ABCC1: variants seen among roughly 807,000 people sequenced by gnomAD.
ABCC1 encodes ATP binding cassette subfamily C member 1 (ABCC1 blood group), also known as multidrug resistance-associated protein 1.
ABCC1 carries 83 observed loss-of-function variants against 172.9 expected under a neutral mutation model. The observed-to-expected ratio is 0.48, with a 90% CI of 0.40 to 0.58. The LOEUF (loss-of-function observed/expected upper bound fraction) is 0.58, where lower values mean the gene tolerates loss of function less well. ABCC1 is among the 20% of genes least tolerant of loss of function. ABCC1 has a pLI of 0.00. For missense variants in ABCC1, 1,817 were observed against 2,002.7 expected, an observed-to-expected ratio of 0.91 and a Z score of 1.77; for synonymous variants, 937 against 825.2, an observed-to-expected ratio of 1.14 and a Z score of -2.32.
At position 16,131,837 on chromosome 16, in the gene ABCC1, G is replaced by A. The variant is rs2045686639; in HGVS notation, c.3868G>A (p.Val1290Met). Reference protein sequence around the residue: ...ETAPPSSWPQVGRVEFRNYCL... With the variant: ...ETAPPSSWPQMGRVEFRNYCL... The stretch of plus-strand genomic sequence containing the variant: ...AGCTCCGCCCAGCAGCTGGCCCCAG[G>A]TGGGCCGAGTGGAATTCCGGAACTA... The change falls in exon 27 of 31, where the codon GTG becomes ATG. Residue 1290 changes from valine to methionine, a missense_variant. Val to Met is a conservative substitution (Grantham distance 21). Transcript: ENST00000399410. 1.9e-6 allele frequency: 3 copies of A among 1,614,058 alleles called. No homozygotes were observed. Among genetic ancestry groups the A allele is most frequent in the Admixed American group, 3.3e-5 (2 of 59,996 alleles).
chr16:15,976,136 A>T (rs564454330), intron 1 of ABCC1, among the ~76,000 whole-genome samples: 1 of 152,136 alleles, frequency 6.6e-6, no homozygotes, highest in East Asian at 2.0e-4. Context: ...TGGTGATGGC[A>T]CATGCCTGTG....
chr16:16,047,970 G>A (rs1039693367), intron 9 of ABCC1, among the ~76,000 whole-genome samples, 172 bp from the exon 10 acceptor site: 2 of 152,208 alleles, frequency 1.3e-5, no homozygotes, highest in Admixed American at 6.5e-5. Context: ...TAAGAATGTG[G>A]GCTTTGAGAT....
intron 28 of ABCC1, 29 bp from the exon 29 acceptor site, chr16:16,136,449 A>G (rs1215826103): frequency 1.2e-6 from 2 of 1,610,776 alleles, no homozygotes; most frequent in African/African-American, 1.3e-5. Context: ...CAGGTGTCAC[A>G]TGCCGTCCAC....
intron 3 of ABCC1, among the ~76,000 whole-genome samples, chr16:16,012,392 A>G (rs1339059796): frequency 2.0e-5 from 3 of 152,046 alleles, no homozygotes; most frequent in Admixed American, 6.5e-5. Context: ...AGCGTTCCAT[A>G]AATGCATGGA....
intron 1 of ABCC1, among the ~76,000 whole-genome samples, chr16:15,964,856 T>C (rs2046210437): frequency 6.6e-6 from 1 of 152,186 alleles, no homozygotes; most frequent in South Asian, 2.1e-4. Context: ...TTAGAAGCTA[T>C]GTATCCTGCA....
intron 11 of ABCC1, among the ~76,000 whole-genome samples, chr16:16,054,779 C>G (rs1318694702): frequency 6.6e-6 from 1 of 152,146 alleles, no homozygotes; most frequent in East Asian, 1.9e-4. Context: ...GATAAGAGTT[C>G]TTGTGATTGT....
chr16:16,056,568 C>T, intron 12 of ABCC1: 2 of 473,188 alleles, frequency 4.2e-6, no homozygotes, highest in Non-Finnish European at 3.8e-6. Flanking sequence ...ACTAGGGAGG[C>T]TGAGGCAAGA....
At position 16,056,200 on chromosome 16, in the gene ABCC1, G is replaced by T. The variant is rs2049646673; in HGVS notation, c.1582G>T (p.Val528Leu). 2.5e-6 allele frequency: 4 copies of T among 1,614,062 alleles called. No homozygotes were observed. Among genetic ancestry groups the T allele is most frequent in the African/African-American group, 1.3e-5 (1 of 74,924 alleles). ...YAWELAFKDK[V>L]LAIRQEELKV... is the part of the protein sequence containing the mutation. ...CTGGGAGCTGGCATTCAAGGACAAG[G>T]TGCTGGCCATCAGGCAGGAGGAGCT... is the stretch of plus-strand genomic sequence containing the variant. The change falls in exon 12 of 31, where the codon GTG becomes TTG. Residue 528 changes from valine to leucine, a missense_variant. By Grantham distance (32) the Val-to-Leu change is conservative. Transcript: ENST00000399410.
In ABCC1 at chr16:16,141,139, C is replaced by T. The variant is rs754265880; in HGVS notation, c.4488-34C>T. The T allele has an allele frequency of 1.9e-6, 3 of 1,596,838 alleles. No individual in the cohort carries two copies. The Admixed American group carries it at 5.0e-5, about 27-fold the overall frequency. ...AGGGGCACGAGGTGCTCACCCCTCC[C>T]CTTCCCCTCATGTCTGTATCCCCTC... On this transcript the variant is annotated intron_variant, in intron 30 of 30. Coordinates refer to ENST00000399410, the MANE Select transcript of ABCC1 (RefSeq NM_004996.4).
chr16:16,055,374 G>A (rs529673467), intron 11 of ABCC1, among the ~76,000 whole-genome samples: 2 of 151,868 alleles, frequency 1.3e-5, no homozygotes, highest in South Asian at 4.2e-4. Context: ...ACATGGTGAA[G>A]CCCCGTCTCT....
chr16:16,052,170 T>C (rs2049457193), intron 10 of ABCC1, among the ~76,000 whole-genome samples: 1 of 151,456 alleles, frequency 6.6e-6, no homozygotes, highest in Non-Finnish European at 1.5e-5. Flanking sequence ...TCGAGAGCAG[T>C]TTGAGTAACA....
Position 16,138,521 on chromosome 16 carries a change from A to G in ABCC1, c.4450A>G (p.Ile1484Val), listed in dbSNP as rs1271166998. ...TQFEDCTVLT[I>V]AHRLNTIMDY... ...GTTCGAGGACTGCACCGTCCTCACC[A>G]TCGCCCACCGGCTCAACACCATCAT... Residue 1484 changes from isoleucine (I) to valine (V), a missense_variant, in exon 30 of 31, where the codon ATC becomes GTC. Around this residue, in one of 3 missense-constraint regions of ABCC1, gnomAD observed 1,412 missense variants for 1,600.3 expected, o/e 0.88. Transcript: ENST00000399410. The G allele has an allele frequency of 1.9e-6, 3 of 1,574,232 alleles. No individual in the cohort carries two copies. Among genetic ancestry groups the G allele is most frequent in the Admixed American group, 3.5e-5 (2 of 57,680 alleles).
chr16:15,976,206 G>A (rs940407185), intron 1 of ABCC1, among the ~76,000 whole-genome samples: 3 of 152,174 alleles, frequency 2.0e-5, no homozygotes, highest in African/African-American at 7.2e-5. Flanking sequence ...GGCAGACATT[G>A]CAGTGAGCCG....
intron 12 of ABCC1, among the ~76,000 whole-genome samples, chr16:16,061,048 C>T (rs537219747): frequency 2.4e-4 from 37 of 152,058 alleles, no homozygotes; most frequent in African/African-American, 5.3e-4. Flanking sequence ...CCTCAGCGTC[C>T]GAGTAGCTGG....
In ABCC1 at chr16:16,085,183, C is replaced by T. The variant is rs45581334; in HGVS notation, c.2292+1641C>T. On this transcript the variant is annotated intron_variant, in intron 17 of 30. Coordinates refer to ENST00000399410, the MANE Select transcript of ABCC1 (RefSeq NM_004996.4). ...TCTCTGCCTCTCACCACTGCAGACC[C>T]TCCCTCCTGCTGTGCTCCATCTCCC... Among the ~76,000 whole-genome samples the T allele has an allele frequency of 3.4e-3, 513 of 152,290 alleles. 1 individual carries two copies. The highest frequency in any genetic ancestry group is 0.011 in the African/African-American group (460 of 41,558).
rs2045189714 is a variant in ABCC1 at position 16,122,084 on chromosome 16, C to T, written c.3500C>T (p.Ala1167Val). 5 of 1,614,168 alleles carry T rather than the reference C, an allele frequency of 3.1e-6. No homozygotes were observed. Among genetic ancestry groups the T allele is most frequent in the Non-Finnish European group, 4.2e-6 (5 of 1,180,032 alleles). Residue 1167 changes from alanine to valine, a missense_variant, in exon 24 of 31, where the codon GCC becomes GTC. This residue lies in a region of ABCC1 where 1,412 missense variants were observed against 1,600.3 expected (regional missense o/e 0.88). Transcript: ENST00000399410. ...ETLLGVSVIR[A>V]FEEQERFIHQ... ...TTGCTGGGGGTCAGCGTCATTCGAGCCTTCGAGGAGCAGGAGCGCTTCATC... is the reference window on the plus strand; with the variant it reads ...TTGCTGGGGGTCAGCGTCATTCGAGTCTTCGAGGAGCAGGAGCGCTTCATC...
rs757545993 is a variant in ABCC1, at chr16:16,115,030, C to T, written c.3344C>T (p.Ala1115Val). The T allele has an allele frequency of 1.2e-5, 20 of 1,614,094 alleles. No homozygotes were observed. Among genetic ancestry groups the T allele is most frequent in the Non-Finnish European group, 1.7e-5 (20 of 1,180,038 alleles). ...GTTATCCTGCTGGCCACGCCCATCG[C>T]CGCCATCATCATCCCGCCCCTTGGC... ...CIVILLATPI[A>V]AIIIPPLGLI... Residue 1115 changes from alanine (A) to valine (V), a missense_variant, in exon 23 of 31, where the codon GCC becomes GTC. Ala to Val is a moderately conservative substitution (Grantham distance 64, BLOSUM62 0). Coordinates refer to ENST00000399410, the MANE Select transcript of ABCC1 (RefSeq NM_004996.4).
At chr16:16,070,810 C>G (rs1046769750) in intron 13 of ABCC1, among the ~76,000 whole-genome samples, 1 of 152,038 alleles carries the variant, frequency 6.6e-6, no homozygotes, top group Non-Finnish European at 1.5e-5. Context: ...CTTTCTTTGC[C>G]GAATAATTTT....
In ABCC1 at chr16:16,083,079, T is replaced by C. The variant is rs2050868547; in HGVS notation, c.2116-287T>C. ...GGGGTTTTGATCACCGCTGTAGGCA[T>C]TGAGTTAATAGCTAGCTACTAAGTA... On this transcript the variant is annotated intron_variant, in intron 16 of 30. Coordinates refer to ENST00000399410, the MANE Select transcript of ABCC1 (RefSeq NM_004996.4). Among the ~76,000 whole-genome samples, 3 of 152,226 alleles carry C rather than the reference T, an allele frequency of 2.0e-5. No homozygotes were observed. In the South Asian group the frequency reaches 6.2e-4, roughly 31 times the overall value.
Sources: gnomAD v4.1 joint callset for allele counts (sites outside exome capture counted in the v4.1 genomes callset) on GRCh38, gnomAD v4.1.1 for gene constraint, gnomAD v4.1.1 regional missense constraint, MANE v1.5 for transcripts, NCBI Gene and HGNC (gene_info 2026-07-23, HGNC 2026-07-21) for gene names.